PAK2: variants seen among roughly 807,000 people sequenced by gnomAD.
PAK2 encodes the protein serine/threonine-protein kinase PAK 2.
A neutral mutation model predicts 65.9 loss-of-function variants in PAK2; 21 were observed. The ratio of observed to expected loss-of-function variants is 0.32; its 90% CI spans 0.23 to 0.46. The LOEUF is 0.46. Among genes scored for constraint, PAK2 ranks in the 20% least tolerant of loss-of-function variants. PAK2 has a pLI of 1.00. For synonymous variants in PAK2, 204 were observed against 219.7 expected (o/e 0.93, Z 0.63); for missense variants, 324 against 642.6 (o/e 0.50, Z 5.36).
chr3:196,811,205 TCCTTC>T (rs1560113508), intron 8 of PAK2, among the ~76,000 whole-genome samples: 2 of 46,976 alleles, frequency 4.3e-5, no homozygotes, highest in African/African-American at 8.3e-5. Flanking sequence ...CTTCCTCCCT[TCCTTC>T]CCTTCCCTCC....
At chr3:196,806,280 G>T (rs777231030) in intron 5 of PAK2, among the ~76,000 whole-genome samples, 15 of 151,932 alleles carry the variant, frequency 9.9e-5, no homozygotes, top group Non-Finnish European at 2.2e-4. Context: ...CTTTGATTTT[G>T]GTCTTAACAA....
At position 196,812,210 on chromosome 3, in the gene PAK2, T is replaced by C. The variant is rs1473464774; in HGVS notation, c.774-9T>C. 2 of 1,542,336 alleles carry C rather than the reference T, an allele frequency of 1.3e-6. No homozygotes were observed. Among genetic ancestry groups the C allele is most frequent in the Non-Finnish European group, 1.8e-6 (2 of 1,115,140 alleles). On this transcript the variant is annotated splice_polypyrimidine_tract_variant and intron_variant, in intron 8 of 14. Transcript: ENST00000327134. ...ACCTTAAATCTGGTTGTGTGTTTTC[T>C]CCCTCTAGGGCTTCTGGTACAGTTT...
At chr3:196,811,490 T>C (rs1210071891) in intron 8 of PAK2, among the ~76,000 whole-genome samples, 1 of 145,560 alleles carries the variant, frequency 6.9e-6, no homozygotes, top group African/African-American at 2.5e-5. Context: ...CAAACGATTC[T>C]TCTGCCTCAG....
chr3:196,744,944 A>C (rs1371513001), intron 1 of PAK2, among the ~76,000 whole-genome samples: 1 of 148,790 alleles, frequency 6.7e-6, no homozygotes, highest in African/African-American at 2.5e-5. Context: ...TTTTTTTTTG[A>C]ATTGCATTCC....
intron 1 of PAK2, among the ~76,000 whole-genome samples, chr3:196,745,771 G>A (rs1416177757): frequency 2.0e-5 from 3 of 150,338 alleles, no homozygotes; most frequent in Non-Finnish European, 4.4e-5. Context: ...CTGAGATCAA[G>A]CCACTGCACT....
intron 1 of PAK2, among the ~76,000 whole-genome samples, chr3:196,765,080 G>T (rs1204320484): frequency 6.7e-6 from 1 of 150,152 alleles, no homozygotes; most frequent in African/African-American, 2.4e-5. Context: ...TTCTGACCTC[G>T]TGATCCACCT....
chr3:196,756,996 A>G (rs1713791144), intron 1 of PAK2, among the ~76,000 whole-genome samples: 1 of 152,142 alleles, frequency 6.6e-6, no homozygotes, highest in Non-Finnish European at 1.5e-5. Flanking sequence ...AAGGGAGGGG[A>G]AGGGGTTCTT....
chr3:196,767,756 A>T (rs1714220979), intron 1 of PAK2, among the ~76,000 whole-genome samples: 1 of 152,058 alleles, frequency 6.6e-6, no homozygotes, highest in East Asian at 1.9e-4. Flanking sequence ...GGCCTCCCAG[A>T]GTGCTGGGAT....
Position 196,811,207 on chromosome 3 carries a change from CTT to C in PAK2, c.773+555_773+556del, listed in dbSNP as rs1429290689. On this transcript the variant is annotated intron_variant, in intron 8 of 14. Coordinates refer to ENST00000327134, the MANE Select transcript of PAK2 (RefSeq NM_002577.4). The stretch of plus-strand genomic sequence containing the variant: ...TCCATATGAATTCCTTCCTCCCTTC[CTT>C]CCCTTCCCTCCCTCCCTTCCCTTCC... Among the ~76,000 whole-genome samples the C allele has an allele frequency of 8.1e-5, 4 of 49,460 alleles. 1 individual carries two copies. Among genetic ancestry groups the C allele is most frequent in the African/African-American group, 8.9e-5 (1 of 11,284 alleles). The allele number at this position is 49,460 out of a possible 152,430, so 32.4% of individuals were successfully genotyped here. A position where few individuals can be genotyped will look rare whatever the true frequency, so the allele number is the denominator to read the frequency against.
At chr3:196,814,689 C>T in intron 11 of PAK2, 121 bp downstream of exon 11, 1 of 645,980 alleles carries the variant, frequency 1.5e-6, no homozygotes, top group Non-Finnish European at 2.7e-6. Context: ...TATACATTCT[C>T]TGCAAATTAC....
At position 196,820,680 on chromosome 3, in the gene PAK2, T is replaced by A; in HGVS notation, c.1350+113T>A. Reference sequence around the variant, plus strand: ...TTTAAAGTAGAAGGTTGATAAAACCTAATCTCTGCCCCTAACTCTGCATCT... The same window carrying A: ...TTTAAAGTAGAAGGTTGATAAAACCAAATCTCTGCCCCTAACTCTGCATCT... On this transcript the variant is annotated intron_variant, in intron 13 of 14. Transcript: ENST00000327134. This position sits in a 1 kb window ranked among gnomAD's most constrained non-coding sequence, Gnocchi z 4.6. 1.9e-6 allele frequency: 1 copy of A among 526,618 alleles called. No individual in the cohort carries two copies. Among genetic ancestry groups the A allele is most frequent in the Non-Finnish European group, 3.3e-6 (1 of 299,492 alleles). 32.6% of individuals were successfully genotyped at this position (526,618 alleles called of 1,614,324 possible).
At chr3:196,809,078 A>C (rs984449594) in intron 7 of PAK2, among the ~76,000 whole-genome samples, 14 of 151,230 alleles carry the variant, frequency 9.3e-5, no homozygotes, top group African/African-American at 2.9e-4. Context: ...ACCCCCTCAA[A>C]AAAAAAAGAA....
intron 7 of PAK2, among the ~76,000 whole-genome samples, chr3:196,810,160 A>C (rs1384798716): frequency 6.6e-6 from 1 of 151,846 alleles, no homozygotes; most frequent in Non-Finnish European, 1.5e-5. Flanking sequence ...ATATTCAAAT[A>C]TATCTATTTC....
At chr3:196,804,176 G>A (rs1003166842) in intron 4 of PAK2, among the ~76,000 whole-genome samples, 2 of 152,106 alleles carry the variant, frequency 1.3e-5, no homozygotes, top group Admixed American at 6.6e-5. Flanking sequence ...AGCTAAAATC[G>A]TACATGTGGT....
At chr3:196,790,553 TTTATGAAACA>T (rs969378198) in intron 2 of PAK2, among the ~76,000 whole-genome samples, 5 of 152,172 alleles carry the variant, frequency 3.3e-5, no homozygotes, top group African/African-American at 1.2e-4. Flanking sequence ...CTCCTTTCAT[TTTATGAAACA>T]TGAACAGATT....
chr3:196,781,007 C>G (rs1467122052), intron 1 of PAK2, among the ~76,000 whole-genome samples: 1 of 152,282 alleles, frequency 6.6e-6, no homozygotes, highest in Admixed American at 6.5e-5. Flanking sequence ...CCAGGATGGT[C>G]TCGATCTCCT....
chr3:196,826,529 T>A (rs190710766), intron 13 of PAK2, among the ~76,000 whole-genome samples: 11 of 152,220 alleles, frequency 7.2e-5, no homozygotes, highest in South Asian at 4.2e-4. Context: ...TCATTTTTTT[T>A]AATGATATGT....
At chr3:196,772,926 C>T (rs1357393710) in intron 1 of PAK2, among the ~76,000 whole-genome samples, 3 of 152,146 alleles carry the variant, frequency 2.0e-5, no homozygotes, top group Non-Finnish European at 4.4e-5. Context: ...CTTTTTAAAT[C>T]ATTGTGTTTT....
chr3:196,817,534 G>T (rs1711517049), intron 11 of PAK2, among the ~76,000 whole-genome samples: 1 of 151,938 alleles, frequency 6.6e-6, no homozygotes, highest in Non-Finnish European at 1.5e-5. Context: ...TGTATTTTTA[G>T]CAGACACAGG....
Sources: gnomAD v4.1 joint callset for allele counts (sites outside exome capture counted in the v4.1 genomes callset) on GRCh38, gnomAD v4.1.1 for gene constraint, Gnocchi (gnomAD v3.1) non-coding constraint, MANE v1.5 for transcripts, NCBI Gene and HGNC (gene_info 2026-07-23, HGNC 2026-07-21) for gene names.